Variants in INPP5A observed in about 807,000 individuals in gnomAD.
INPP5A encodes the protein inositol polyphosphate-5-phosphatase A.
A neutral mutation model predicts 65.2 loss-of-function variants in INPP5A; 14 were observed. The ratio of observed to expected loss-of-function variants is 0.21; its 90% CI spans 0.14 to 0.34. INPP5A has a LOEUF of 0.34. Among genes scored for constraint, INPP5A ranks in the 10% least tolerant of loss-of-function variants. INPP5A has a pLI of 1.00. For missense variants in INPP5A, 431 were observed against 545.6 expected, an observed-to-expected ratio of 0.79 and a Z score of 2.09; for synonymous variants, 207 against 208.3, an observed-to-expected ratio of 0.99 and a Z score of 0.05.
chr10:132,578,336 G>A (rs2071434584), intron 1 of INPP5A, among the ~76,000 whole-genome samples: 1 of 152,156 alleles, frequency 6.6e-6, no homozygotes, highest in Non-Finnish European at 1.5e-5. Context: ...GCACAAGCCC[G>A]AGCCTTATCA....
intron 1 of INPP5A, among the ~76,000 whole-genome samples, chr10:132,580,215 A>G (rs1425884112): frequency 6.6e-6 from 1 of 152,142 alleles, no homozygotes; most frequent in Non-Finnish European, 1.5e-5. Context: ...GTCCCCACCC[A>G]AATCTCACGT....
chr10:132,665,778 G>A (rs1199119469), intron 4 of INPP5A, among the ~76,000 whole-genome samples: 1 of 150,986 alleles, frequency 6.6e-6, no homozygotes, highest in Admixed American at 6.6e-5. Context: ...TGAGGCAGGT[G>A]AATTGCTTGA....
intron 11 of INPP5A, among the ~76,000 whole-genome samples, chr10:132,756,471 A>G (rs550491496): frequency 6.6e-6 from 1 of 152,314 alleles, no homozygotes; most frequent in Admixed American, 6.5e-5. Flanking sequence ...AACAGACTAC[A>G]TATGTGACTA....
intron 2 of INPP5A, among the ~76,000 whole-genome samples, chr10:132,632,345 T>C (rs1389770278): frequency 3.3e-5 from 5 of 152,234 alleles, no homozygotes; most frequent in African/African-American, 1.2e-4. Flanking sequence ...CTGTGTCCCC[T>C]GTGGCTGTAT....
At chr10:132,771,767 T>C (rs112523009) in intron 12 of INPP5A, among the ~76,000 whole-genome samples, 41 of 106,234 alleles carry the variant, frequency 3.9e-4, no homozygotes, top group African/African-American at 1.2e-3. Context: ...AGCCACCCCA[T>C]GAAGAGTGGG....
chr10:132,544,578 C>T (rs775304215), intron 1 of INPP5A, among the ~76,000 whole-genome samples: 83 of 152,262 alleles, frequency 5.5e-4, no homozygotes, highest in South Asian at 3.5e-3. Flanking sequence ...ACTGTGGTCC[C>T]GGCCCTGGCT....
At chr10:132,610,583 G>T (rs910236330) in intron 2 of INPP5A, among the ~76,000 whole-genome samples, 2 of 152,242 alleles carry the variant, frequency 1.3e-5, no homozygotes, top group Non-Finnish European at 1.5e-5. Flanking sequence ...TCGCTGCAGG[G>T]CGCAGGTGTG....
intron 2 of INPP5A, among the ~76,000 whole-genome samples, chr10:132,628,648 A>G (rs1053798967): frequency 6.6e-6 from 1 of 152,236 alleles, no homozygotes; most frequent in African/African-American, 2.4e-5. Context: ...TTTAAATGTG[A>G]TTAAAAGGCA....
intron 4 of INPP5A, among the ~76,000 whole-genome samples, chr10:132,683,734 A>G (rs2073082774): frequency 1.3e-5 from 2 of 152,226 alleles, no homozygotes; most frequent in Non-Finnish European, 1.5e-5. Flanking sequence ...TGTTTGAGAC[A>G]AAGTCTCACT....
chr10:132,739,540 C>T (rs1038067197), intron 9 of INPP5A, among the ~76,000 whole-genome samples: 13 of 152,222 alleles, frequency 8.5e-5, no homozygotes, highest in Non-Finnish European at 1.6e-4. Context: ...TAGTAGCCAC[C>T]AGCATACTTG....
At chr10:132,591,288 T>C (rs2071616018) in intron 1 of INPP5A, among the ~76,000 whole-genome samples, 1 of 152,192 alleles carries the variant, frequency 6.6e-6, no homozygotes, top group South Asian at 2.1e-4. Flanking sequence ...TTAAGGATTG[T>C]GTTTGGATTT....
chr10:132,640,977 C>T (rs1479647705), intron 2 of INPP5A, among the ~76,000 whole-genome samples: 3 of 152,206 alleles, frequency 2.0e-5, no homozygotes, highest in East Asian at 1.9e-4. Context: ...TCTGCCATGG[C>T]GTTACAGCTT....
At chr10:132,730,760 T>C (rs1258831197) in intron 9 of INPP5A, among the ~76,000 whole-genome samples, 2 of 152,198 alleles carry the variant, frequency 1.3e-5, no homozygotes, top group African/African-American at 4.8e-5. Flanking sequence ...CCCAGCCGCG[T>C]TGGCGTGTCC....
At chr10:132,540,082 T>C (rs1438350491) in intron 1 of INPP5A, among the ~76,000 whole-genome samples, 1 of 152,248 alleles carries the variant, frequency 6.6e-6, no homozygotes, top group Non-Finnish European at 1.5e-5. Flanking sequence ...AACATGTCAC[T>C]ATAGCATGGT....
intron 2 of INPP5A, among the ~76,000 whole-genome samples, chr10:132,624,504 G>T (rs552581509): frequency 7.0e-6 from 1 of 142,172 alleles, no homozygotes; most frequent in Non-Finnish European, 1.5e-5. Context: ...TCCCACCGGC[G>T]TGTCTGCACT....
At chr10:132,750,330 C>T (rs2134638576) in intron 11 of INPP5A, among the ~76,000 whole-genome samples, 1 of 152,230 alleles carries the variant, frequency 6.6e-6, no homozygotes, top group East Asian at 1.9e-4. Flanking sequence ...GTATCTGCCT[C>T]TGTGGGGTGG....
chr10:132,710,224 C>T (rs531405235), intron 7 of INPP5A, 113 bp from the exon 8 acceptor site: 29 of 1,298,816 alleles, frequency 2.2e-5, no homozygotes, highest in East Asian at 1.3e-4. Flanking sequence ...CGGGTGGCTC[C>T]GCACGGCGGA....
In INPP5A at chr10:132,538,221, T is replaced by G. The variant is rs374186663; in HGVS notation, c.75+50T>G. Reference sequence around the variant, plus strand: ...GCCCCAAGCCCGGAACCCCCGACCCTGACCCCGGGGTCCCGAACTGCAAGC... The same window carrying G: ...GCCCCAAGCCCGGAACCCCCGACCCGGACCCCGGGGTCCCGAACTGCAAGC... On this transcript the variant is annotated intron_variant, in intron 1 of 15. Transcript: ENST00000368594. This position sits in a 1 kb window ranked among gnomAD's most constrained non-coding sequence, Gnocchi z 4.1. 1 of 1,130,958 alleles carries G rather than the reference T, an allele frequency of 8.8e-7. No homozygotes were observed. Among genetic ancestry groups the G allele is most frequent in the Middle Eastern group, 2.4e-4 (1 of 4,138 alleles). The allele number at this position is 1,130,958 out of a possible 1,614,324, so 70.1% of individuals were successfully genotyped here. A position where few individuals can be genotyped will look rare whatever the true frequency, so the allele number is the denominator to read the frequency against.
chr10:132,642,217 C>T (rs371418266), intron 2 of INPP5A, among the ~76,000 whole-genome samples: 5 of 152,098 alleles, frequency 3.3e-5, no homozygotes, highest in East Asian at 1.9e-4. Flanking sequence ...AGGCCTGGGG[C>T]GTGGGAGTGG....
Sources: allele counts gnomAD v4.1 joint callset (sites outside exome capture counted in the v4.1 genomes callset), GRCh38; gene constraint gnomAD v4.1.1; non-coding constraint Gnocchi (gnomAD v3.1); transcripts MANE v1.5; gene names NCBI Gene and HGNC (gene_info 2026-07-23, HGNC 2026-07-21).